Variants in SBF2 observed in about 807,000 individuals in gnomAD.
SBF2 encodes SET binding factor 2, also known as myotubularin-related protein 13.
SBF2 carries 112 observed loss-of-function variants against 225.2 expected under a neutral mutation model. The ratio of observed to expected loss-of-function variants is 0.50; its 90% CI spans 0.43 to 0.58. SBF2 has a LOEUF of 0.58. SBF2 is among the 20% of genes least tolerant of loss of function. SBF2 has a pLI of 0.00. For synonymous variants in SBF2, 763 were observed against 773.3 expected, an observed-to-expected ratio of 0.99 and a Z score of 0.22; for missense variants, 1,996 against 2,206.2, an observed-to-expected ratio of 0.90 and a Z score of 1.91.
chr11:9,925,519 G>A (rs1286092034), intron 16 of SBF2, among the ~76,000 whole-genome samples: 4 of 152,052 alleles, frequency 2.6e-5, no homozygotes, highest in Non-Finnish European at 4.4e-5. Context: ...CAGGTGATCC[G>A]CCCACCTGGG....
chr11:10,000,948 A>C lies in SBF2; in HGVS notation c.827T>G (p.Val276Gly), dbSNP rs778206706. The change falls in exon 8 of 40, where the codon GTA (valine) becomes GGA (glycine). Residue 276 changes from valine to glycine, a missense_variant. Physicochemically the swap from Val to Gly is moderately radical, Grantham distance 109. Transcript: ENST00000256190. The stretch of plus-strand genomic sequence containing the variant: ...GACATCAGTTTTAAAGACAGAATGT[A>C]CTCCAATAATGAAAGGCGTTGGGGA... Reference protein sequence around the residue: ...LSSPTPFIIGVHSVFKTDVHE... With the variant: ...LSSPTPFIIGGHSVFKTDVHE... 1 of 1,602,910 alleles carries C rather than the reference A, an allele frequency of 6.2e-7. No individual in the cohort carries two copies. The highest frequency in any genetic ancestry group is 8.5e-7 in the Non-Finnish European group (1 of 1,169,920).
chr11:9,970,246 G>A (rs11602581), intron 13 of SBF2, among the ~76,000 whole-genome samples: 12,114 of 148,348 alleles, frequency 0.082, 644 homozygotes, highest in Non-Finnish European at 0.12. Context: ...TTGCTCTGTC[G>A]CCCAGGCTGG....
chr11:9,786,294 A>G (rs61876891), intron 36 of SBF2, among the ~76,000 whole-genome samples: 26,765 of 152,256 alleles, frequency 0.18, 2,852 homozygotes, highest in Non-Finnish European at 0.25. Context: ...GTTTGATAGC[A>G]TAGTGGTTTA....
intron 3 of SBF2, among the ~76,000 whole-genome samples, chr11:10,035,980 T>C (rs1949419139): frequency 6.6e-6 from 1 of 152,186 alleles, no homozygotes; most frequent in Non-Finnish European, 1.5e-5. Flanking sequence ...ATTGTGACAC[T>C]ATTCACAATA....
intron 15 of SBF2, among the ~76,000 whole-genome samples, chr11:9,963,040 GT>G (rs2134366490): frequency 6.6e-6 from 1 of 152,284 alleles, no homozygotes; most frequent in East Asian, 1.9e-4. Context: ...GTTACATTAT[GT>G]TCAGCATGTT....
At chr11:9,929,668 A>G (rs1864338851) in intron 16 of SBF2, among the ~76,000 whole-genome samples, 1 of 152,186 alleles carries the variant, frequency 6.6e-6, no homozygotes, top group Non-Finnish European at 1.5e-5. Flanking sequence ...CAATGCTTCA[A>G]AAGTTGAACA....
At chr11:10,241,131 A>G (rs1215892678) in intron 1 of SBF2, among the ~76,000 whole-genome samples, 2 of 152,168 alleles carry the variant, frequency 1.3e-5, no homozygotes. Flanking sequence ...AAGGGGGATC[A>G]CTTGAGGTCA....
upstream of SBF2, among the ~76,000 whole-genome samples, chr11:10,294,703 G>GA (rs1368908125): frequency 1.3e-5 from 2 of 152,230 alleles, no homozygotes; most frequent in African/African-American, 2.4e-5. Flanking sequence ...ACGGGGGAGG[G>GA]AGAGGCTTTT....
At chr11:9,836,394 T>C (rs1855738711) in intron 26 of SBF2, among the ~76,000 whole-genome samples, 1 of 152,182 alleles carries the variant, frequency 6.6e-6, no homozygotes, top group Non-Finnish European at 1.5e-5. Context: ...TTAAGTGTTA[T>C]TTTTATCTTA....
intron 2 of SBF2, among the ~76,000 whole-genome samples, chr11:10,166,626 A>T (rs1746320664): frequency 6.6e-6 from 1 of 152,204 alleles, no homozygotes; most frequent in African/African-American, 2.4e-5. Flanking sequence ...AATTAGGGGG[A>T]AAATCCCTGG....
intron 33 of SBF2, among the ~76,000 whole-genome samples, chr11:9,792,855 T>C (rs1264787652): frequency 1.3e-5 from 2 of 151,446 alleles, no homozygotes; most frequent in Non-Finnish European, 2.9e-5. Flanking sequence ...TGGGCTCAAG[T>C]GATCCTCCCA....
chr11:9,933,082 A>G (rs561723915), intron 16 of SBF2, among the ~76,000 whole-genome samples: 1 of 152,262 alleles, frequency 6.6e-6, no homozygotes, highest in East Asian at 1.9e-4. Flanking sequence ...ATAATGGTAA[A>G]CAGATCAATT....
intron 2 of SBF2, among the ~76,000 whole-genome samples, chr11:10,100,161 G>T (rs2134963362): frequency 6.6e-6 from 1 of 152,308 alleles, no homozygotes; most frequent in African/African-American, 2.4e-5. Context: ...AAGGCATTTT[G>T]TAAAAATGGA....
chr11:10,277,981 T>C (rs1237137309), intron 1 of SBF2, among the ~76,000 whole-genome samples: 5 of 152,048 alleles, frequency 3.3e-5, no homozygotes, highest in African/African-American at 1.2e-4. Flanking sequence ...ACTAGCAGAG[T>C]GTTGGAGCTT....
rs1042716865 is a variant in SBF2 at position 9,864,917 on chromosome 11, A to ATT, written c.1930-6523_1930-6522dup. ...CCCCATTTTTGGCCAGTTTTTATTT[A>ATT]TTTTTTTTTTTGAGACAGGGTCTCA... On this transcript the variant is annotated intron_variant, in intron 17 of 39. Coordinates refer to ENST00000256190, the MANE Select transcript of SBF2 (RefSeq NM_030962.4). Among the ~76,000 whole-genome samples the ATT allele has an allele frequency of 4.0e-5, 6 of 149,146 alleles. No homozygotes were observed. In the East Asian group the frequency reaches 9.8e-4, roughly 24 times the overall value.
intron 2 of SBF2, among the ~76,000 whole-genome samples, chr11:10,192,540 C>T (rs1957214532): frequency 6.6e-6 from 1 of 152,158 alleles, no homozygotes; most frequent in South Asian, 2.1e-4. Flanking sequence ...AGCAACAATA[C>T]TAATTAAACA....
At chr11:10,034,599 T>C (rs1949369190) in intron 3 of SBF2, among the ~76,000 whole-genome samples, 1 of 152,240 alleles carries the variant, frequency 6.6e-6, no homozygotes, top group Non-Finnish European at 1.5e-5. Context: ...CTCTGTGCTA[T>C]GTTCATTTTT....
chr11:9,959,507 A>G, intron 16 of SBF2: 1 of 816,800 alleles, frequency 1.2e-6, no homozygotes, highest in Non-Finnish European at 2.2e-6. Flanking sequence ...TTGCACTTGA[A>G]AACTTCACAG....
At chr11:10,233,015 C>T (rs892012756) in intron 1 of SBF2, among the ~76,000 whole-genome samples, 1 of 152,156 alleles carries the variant, frequency 6.6e-6, no homozygotes, top group African/African-American at 2.4e-5. Flanking sequence ...GGTCATGAAT[C>T]CAGTCTATAA....
Sources: gnomAD v4.1 joint callset for allele counts (sites outside exome capture counted in the v4.1 genomes callset) on GRCh38, gnomAD v4.1.1 for gene constraint, MANE v1.5 for transcripts, NCBI Gene and HGNC (gene_info 2026-07-23, HGNC 2026-07-21) for gene names.